The following GUCY1A2 variants were observed in gnomAD, a reference collection of about 807,000 sequenced individuals.
GUCY1A2 encodes guanylate cyclase soluble subunit alpha-2.
A neutral mutation model predicts 63.5 loss-of-function variants in GUCY1A2; 27 were observed. The observed-to-expected ratio is 0.43, with a 90% CI of 0.31 to 0.59. GUCY1A2 has a LOEUF of 0.59. Among genes scored for constraint, GUCY1A2 ranks in the 20% least tolerant of loss-of-function variants. The pLI, the probability that GUCY1A2 is intolerant of heterozygous loss-of-function variation, is 0.11. For synonymous variants in GUCY1A2, 364 were observed against 343.5 expected, an observed-to-expected ratio of 1.06 and a Z score of -0.66; for missense variants, 768 against 913.3, an observed-to-expected ratio of 0.84 and a Z score of 2.05.
chr11:106,855,482 T>G (rs187565036), intron 4 of GUCY1A2, among the ~76,000 whole-genome samples: 3 of 152,086 alleles, frequency 2.0e-5, no homozygotes, highest in Non-Finnish European at 2.9e-5. Context: ...TGGTCCTTTT[T>G]TTTGTGGAGG....
At chr11:106,746,543 C>A in intron 6 of GUCY1A2, 1 of 1,518,864 alleles carries the variant, frequency 6.6e-7, no homozygotes, top group South Asian at 1.1e-5. Flanking sequence ...ATAAGTGAAG[C>A]TCATTACCTT....
chr11:106,887,680 C>T (rs1440056010), intron 4 of GUCY1A2, among the ~76,000 whole-genome samples: 1 of 152,086 alleles, frequency 6.6e-6, no homozygotes, highest in African/African-American at 2.4e-5. Flanking sequence ...TCATGGCTAC[C>T]CAACAATCAT....
At chr11:106,987,652 CAA>C (rs59863037) in intron 1 of GUCY1A2, among the ~76,000 whole-genome samples, 48 of 108,764 alleles carry the variant, frequency 4.4e-4, no homozygotes, top group Non-Finnish European at 3.1e-4. Context: ...GACTCTGCCT[CAA>C]AAAAAAAAAA....
intron 4 of GUCY1A2, among the ~76,000 whole-genome samples, chr11:106,903,591 G>C (rs555850079): frequency 3.9e-5 from 6 of 152,214 alleles, no homozygotes; most frequent in African/African-American, 1.4e-4. Flanking sequence ...AAATGATTTT[G>C]CTATCTGGTT....
chr11:106,757,321 T>TTA (rs1863992313), intron 6 of GUCY1A2, among the ~76,000 whole-genome samples: 2 of 152,138 alleles, frequency 1.3e-5, no homozygotes, highest in African/African-American at 2.4e-5. Context: ...GAGAAGTTTG[T>TTA]TATTACCCAC....
chr11:106,997,387 G>A (rs1861553171), intron 1 of GUCY1A2, among the ~76,000 whole-genome samples: 1 of 152,102 alleles, frequency 6.6e-6, no homozygotes, highest in Non-Finnish European at 1.5e-5. Context: ...ACCCACAGAA[G>A]CCCAGAGCAT....
At chr11:107,001,359 T>C (rs934418809) in intron 1 of GUCY1A2, among the ~76,000 whole-genome samples, 4 of 152,204 alleles carry the variant, frequency 2.6e-5, no homozygotes, top group Non-Finnish European at 4.4e-5. Context: ...TTATTTTTTC[T>C]TCCTAGTATA....
At chr11:106,788,379 G>T (rs1438197967) in intron 5 of GUCY1A2, among the ~76,000 whole-genome samples, 1 of 152,058 alleles carries the variant, frequency 6.6e-6, no homozygotes, top group Non-Finnish European at 1.5e-5. Flanking sequence ...CTGTGCAGAA[G>T]ATTTTTAACT....
intron 1 of GUCY1A2, among the ~76,000 whole-genome samples, chr11:107,000,382 T>C (rs966241668): frequency 1.3e-5 from 2 of 152,072 alleles, no homozygotes; most frequent in African/African-American, 4.8e-5. Flanking sequence ...AGTCTGTATC[T>C]AAGGTTTACT....
rs1862532455 is a variant in GUCY1A2, at chr11:106,686,719, C to A, written c.*830G>T. The A allele has an allele frequency of 4.9e-6, 1 of 206,128 alleles. No homozygotes were observed. Among genetic ancestry groups the A allele is most frequent in the African/African-American group, 2.3e-5 (1 of 43,842 alleles). The allele number at this position is 206,128 out of a possible 1,614,324, so 12.8% of individuals were successfully genotyped here. ...ATTTGTTAGAAGGTGGCAAAAAGACCTTTCTTTAATCTTGGTTACAGATAC... is the reference window on the plus strand; with the variant it reads ...ATTTGTTAGAAGGTGGCAAAAAGACATTTCTTTAATCTTGGTTACAGATAC... On this transcript the variant is annotated 3_prime_UTR_variant, in exon 8 of 8. Transcript: ENST00000526355.
chr11:106,874,121 T>A (rs1859717243), intron 4 of GUCY1A2, among the ~76,000 whole-genome samples: 1 of 152,312 alleles, frequency 6.6e-6, no homozygotes, highest in South Asian at 2.1e-4. Context: ...ATTTTGATCT[T>A]ATTTATCTTT....
At chr11:106,947,821 A>T (rs940547301) in intron 3 of GUCY1A2, among the ~76,000 whole-genome samples, 2 of 152,088 alleles carry the variant, frequency 1.3e-5, no homozygotes, top group Non-Finnish European at 2.9e-5. Context: ...ACTATACTCA[A>T]GGAAAATGCC....
intron 3 of GUCY1A2, among the ~76,000 whole-genome samples, chr11:106,960,464 C>A (rs1000152667): frequency 3.9e-5 from 6 of 152,198 alleles, no homozygotes; most frequent in Admixed American, 3.3e-4. Context: ...ACAGAGTAGT[C>A]TGCTATTAAT....
chr11:106,767,225 C>T (rs1474655355), intron 6 of GUCY1A2, among the ~76,000 whole-genome samples: 1 of 152,068 alleles, frequency 6.6e-6, no homozygotes, highest in African/African-American at 2.4e-5. Context: ...ATACTCAAAC[C>T]ATGTCTCCAC....
intron 2 of GUCY1A2, among the ~76,000 whole-genome samples, chr11:106,985,327 T>A (rs922697627): frequency 1.3e-5 from 2 of 152,232 alleles, no homozygotes; most frequent in Non-Finnish European, 2.9e-5. Flanking sequence ...ATTGCATGAG[T>A]AGGTAAATTT....
At chr11:106,801,762 G>A (rs1227661125) in intron 5 of GUCY1A2, among the ~76,000 whole-genome samples, 2 of 152,010 alleles carry the variant, frequency 1.3e-5, no homozygotes, top group Non-Finnish European at 2.9e-5. Flanking sequence ...TTGAGGGAAT[G>A]GATACCCCAT....
intron 4 of GUCY1A2, among the ~76,000 whole-genome samples, chr11:106,875,739 G>C (rs1420803495): frequency 1.3e-5 from 2 of 152,044 alleles, no homozygotes; most frequent in South Asian, 2.1e-4. Context: ...AGTTGGAGAA[G>C]GGCAAAATTC....
At chr11:106,937,633 A>G (rs1392651846) in intron 4 of GUCY1A2, among the ~76,000 whole-genome samples, 3 of 152,210 alleles carry the variant, frequency 2.0e-5, no homozygotes, top group Non-Finnish European at 4.4e-5. Flanking sequence ...ACTCGTTTTA[A>G]AGCATCTACA....
At chr11:106,920,221 G>A (rs147846091) in intron 4 of GUCY1A2, among the ~76,000 whole-genome samples, 128 of 152,012 alleles carry the variant, frequency 8.4e-4, no homozygotes, top group Non-Finnish European at 1.3e-3. Context: ...TTCAGTGGAT[G>A]GAGCAGTGCA....
Sources: gnomAD v4.1 joint callset for allele counts (sites outside exome capture counted in the v4.1 genomes callset) on GRCh38, gnomAD v4.1.1 for gene constraint, MANE v1.5 for transcripts, NCBI Gene and HGNC (gene_info 2026-07-23, HGNC 2026-07-21) for gene names.